The following BRD10 variants were observed in gnomAD, a reference collection of about 807,000 sequenced individuals.
The protein encoded by BRD10 is bromodomain containing 10.
At chr9:5,957,722 A>C in the BRD10 span, among the ~76,000 whole-genome samples, 1 of 152,176 alleles carries the variant, frequency 6.6e-6, no homozygotes, top group African/African-American at 2.4e-5. Flanking sequence ...CCTTCAGTAT[A>C]TATCCTGAAA....
At chr9:5,880,928 C>A in the BRD10 span, among the ~76,000 whole-genome samples, 1 of 152,088 alleles carries the variant, frequency 6.6e-6, no homozygotes, top group African/African-American at 2.4e-5. Context: ...TGGTCTCGAA[C>A]CCCTGACCTC....
the BRD10 span, among the ~76,000 whole-genome samples, chr9:5,997,274 G>T: frequency 6.6e-6 from 1 of 152,142 alleles, no homozygotes; most frequent in Admixed American, 6.5e-5. Flanking sequence ...TTCACTTCAT[G>T]AATGAGAAGA....
chr9:5,948,770 C>G, the BRD10 span, among the ~76,000 whole-genome samples: 2 of 151,942 alleles, frequency 1.3e-5, no homozygotes, highest in Non-Finnish European at 1.5e-5. Flanking sequence ...CACTCCCGTT[C>G]TAATAAAAAG....
the BRD10 span, among the ~76,000 whole-genome samples, chr9:5,951,262 C>A: frequency 6.6e-6 from 1 of 151,246 alleles, no homozygotes; most frequent in Non-Finnish European, 1.5e-5. Flanking sequence ...TAAAAAAAGT[C>A]AACAAAAACA....
At chr9:5,981,940 G>A in the BRD10 span, among the ~76,000 whole-genome samples, 2 of 152,152 alleles carry the variant, frequency 1.3e-5, no homozygotes, top group East Asian at 1.9e-4. Flanking sequence ...TACACTGCTC[G>A]GGTGATGGGT....
the BRD10 span, among the ~76,000 whole-genome samples, chr9:5,883,508 C>T: frequency 7.6e-6 from 1 of 130,862 alleles, no homozygotes; most frequent in East Asian, 2.4e-4. Context: ...CTCTTTCACA[C>T]AGGCTGGAGT....
the BRD10 span, among the ~76,000 whole-genome samples, chr9:5,995,951 T>C: frequency 6.6e-6 from 1 of 151,990 alleles, no homozygotes; most frequent in Non-Finnish European, 1.5e-5. Flanking sequence ...GACAAAAATG[T>C]GAAAAGTCAA....
chr9:5,903,844 A>G, the BRD10 span, among the ~76,000 whole-genome samples: 1 of 151,858 alleles, frequency 6.6e-6, no homozygotes, highest in Non-Finnish European at 1.5e-5. Context: ...AGCATGGTAT[A>G]TCTTTTTCTA....
the BRD10 span, among the ~76,000 whole-genome samples, chr9:5,940,094 GATTA>G: frequency 6.6e-6 from 1 of 151,136 alleles, no homozygotes; most frequent in Non-Finnish European, 1.5e-5. Flanking sequence ...ACATAATAAA[GATTA>G]ATTTTATCCA....
chr9:5,904,783 T>TC, the BRD10 span, among the ~76,000 whole-genome samples: 2 of 151,268 alleles, frequency 1.3e-5, no homozygotes, highest in East Asian at 3.9e-4. Context: ...CTTCTTTTTT[T>TC]TTTTTTTTGA....
At chr9:5,975,501 A>C in the BRD10 span, among the ~76,000 whole-genome samples, 1 of 151,852 alleles carries the variant, frequency 6.6e-6, no homozygotes, top group African/African-American at 2.4e-5. Context: ...AGTTATTGAA[A>C]CTATATTATT....
chr9:5,907,017 T>A, the BRD10 span: 48 of 1,497,492 alleles, frequency 3.2e-5, no homozygotes, highest in Non-Finnish European at 4.3e-5. Flanking sequence ...AGATCCTTCA[T>A]AAGGGTATTT....
chr9:5,905,321 G>C, the BRD10 span, among the ~76,000 whole-genome samples: 1 of 152,152 alleles, frequency 6.6e-6, no homozygotes, highest in African/African-American at 2.4e-5. Context: ...TGGCCATGAC[G>C]GGAAGGGAGG....
At chr9:5,931,210 G>C in the BRD10 span, among the ~76,000 whole-genome samples, 1 of 152,176 alleles carries the variant, frequency 6.6e-6, no homozygotes, top group Non-Finnish European at 1.5e-5. Flanking sequence ...GCAAGTGGTA[G>C]TGTGGCGGGG....
the BRD10 span, chr9:5,920,099 A>C: frequency 5.0e-6 from 8 of 1,613,908 alleles, no homozygotes; most frequent in South Asian, 1.1e-5. Context: ...AGAGTTTATA[A>C]ATTTTGTAGG....
chr9:5,912,391 A>G, the BRD10 span, among the ~76,000 whole-genome samples: 1 of 151,962 alleles, frequency 6.6e-6, no homozygotes, highest in Non-Finnish European at 1.5e-5. Context: ...TAGGACTTCT[A>G]CTATGTCACC....
chr9:5,884,228 T>C, the BRD10 span, among the ~76,000 whole-genome samples: 1 of 151,914 alleles, frequency 6.6e-6, no homozygotes, highest in Non-Finnish European at 1.5e-5. Context: ...ACCTGGGAGG[T>C]AGATATCTTC....
chr9:5,888,151 G>A, the BRD10 span, among the ~76,000 whole-genome samples: 1 of 152,138 alleles, frequency 6.6e-6, no homozygotes, highest in East Asian at 1.9e-4. Context: ...GTCATATTCC[G>A]GTGGGGTTTT....
the BRD10 span, among the ~76,000 whole-genome samples, chr9:5,935,935 A>G: frequency 6.6e-6 from 1 of 152,174 alleles, no homozygotes; most frequent in South Asian, 2.1e-4. Flanking sequence ...AGTCTTTCAG[A>G]TTTTCTGACA....
Sources: gnomAD v4.1 joint callset for allele counts (sites outside exome capture counted in the v4.1 genomes callset) on GRCh38, gnomAD v4.1.1 for gene constraint, MANE v1.5 for transcripts, NCBI Gene and HGNC (gene_info 2026-07-23, HGNC 2026-07-21) for gene names.